The following RND3 variants were observed in gnomAD, a reference collection of about 807,000 sequenced individuals.
RND3 encodes the protein Rho family GTPase 3, also known as rho-related GTP-binding protein RhoE.
Under a neutral mutation model 26.5 loss-of-function variants are expected in RND3, and 8 were observed. That is an observed-to-expected ratio of 0.30 (90% CI 0.18 to 0.54). The LOEUF (loss-of-function observed/expected upper bound fraction) is 0.54. Among genes scored for constraint, RND3 ranks in the 20% least tolerant of loss-of-function variants. The probability of loss-of-function intolerance (pLI) is 0.94; values close to 1 mark genes in which losing one functional copy is unlikely to be tolerated. For synonymous variants in RND3, 113 were observed against 113.0 expected (o/e 1.00, Z 0.00); for missense variants, 207 against 302.8 (o/e 0.68, Z 2.35).
At chr2:150,479,590 T>C (rs1686236665) in intron 3 of RND3, among the ~76,000 whole-genome samples, 1 of 152,202 alleles carries the variant, frequency 6.6e-6, no homozygotes, top group Non-Finnish European at 1.5e-5. Flanking sequence ...TAACTTTTGG[T>C]ATATTTAGTG....
Position 150,471,712 on chromosome 2 carries a change from A to C in RND3, c.398T>G (p.Val133Gly). The C allele has an allele frequency of 6.2e-7, 1 of 1,613,494 alleles. No individual in the cohort carries two copies. The highest frequency in any genetic ancestry group is 8.5e-7 in the Non-Finnish European group (1 of 1,179,598). ...EFCPNTKMLLVGCKSDLRTDV... is the reference protein window; with the variant it reads ...EFCPNTKMLLGGCKSDLRTDV... ...TGTCCGCAGATCAGACTTGCAGCCG[A>C]CCAAGAGCATTTTGGTATTTGGACA... Residue 133 changes from valine (V) to glycine (G), a missense_variant, in exon 5 of 6, where the codon GTC (valine) becomes GGC (glycine). By Grantham distance (109) the Val-to-Gly change is moderately radical. Transcript: ENST00000263895.
intron 3 of RND3, among the ~76,000 whole-genome samples, chr2:150,475,711 C>G (rs1395380592): frequency 1.3e-5 from 2 of 152,182 alleles, no homozygotes; most frequent in Admixed American, 1.3e-4. Flanking sequence ...TTTAACTTAT[C>G]GCCAAACCCT....
At chr2:150,479,202 G>A (rs181193839) in intron 3 of RND3, among the ~76,000 whole-genome samples, 4 of 152,180 alleles carry the variant, frequency 2.6e-5, no homozygotes, top group African/African-American at 9.6e-5. Context: ...TTAATTCTGG[G>A]TGAGAGCAAA....
chr2:150,486,995 C>G lies in RND3; in HGVS notation c.151-214G>C. 3.3e-6 allele frequency: 2 copies of G among 614,832 alleles called. No homozygotes were observed. Among genetic ancestry groups the G allele is most frequent in the Non-Finnish European group, 2.9e-6 (1 of 345,320 alleles). The allele number at this position is 614,832 out of a possible 1,614,324, so 38.1% of individuals were successfully genotyped here. ...CCCGGCTCTCACAGATCTGCTGACCCGAATCTCCCAACCCCAGGTTATGCA... is the reference window on the plus strand; with the variant it reads ...CCCGGCTCTCACAGATCTGCTGACCGGAATCTCCCAACCCCAGGTTATGCA... On this transcript the variant is annotated intron_variant, in intron 2 of 5. Coordinates refer to ENST00000263895, the MANE Select transcript of RND3 (RefSeq NM_005168.5). This position sits in a 1 kb window ranked among gnomAD's most constrained non-coding sequence, Gnocchi z 4.5.
intron 3 of RND3, among the ~76,000 whole-genome samples, chr2:150,481,752 G>T (rs1446696173): frequency 6.6e-6 from 1 of 151,958 alleles, no homozygotes; most frequent in East Asian, 1.9e-4. Context: ...GGGAGAGAGA[G>T]AGCAGTGATC....
chr2:150,483,610 A>G (rs1686312050), intron 3 of RND3, among the ~76,000 whole-genome samples: 1 of 152,270 alleles, frequency 6.6e-6, no homozygotes, highest in South Asian at 2.1e-4. Flanking sequence ...GAAAATGTCA[A>G]ACATTTACCA....
intron 3 of RND3, among the ~76,000 whole-genome samples, chr2:150,476,238 A>G (rs1447184077): frequency 1.3e-5 from 2 of 152,222 alleles, no homozygotes; most frequent in Non-Finnish European, 2.9e-5. Context: ...TGATAAATCA[A>G]AACCTCAATA....
chr2:150,482,110 T>A (rs1686283808), intron 3 of RND3, among the ~76,000 whole-genome samples: 1 of 152,038 alleles, frequency 6.6e-6, no homozygotes, highest in Admixed American at 6.5e-5. Flanking sequence ...TTCGAAAGAG[T>A]GTTCATGAGG....
In RND3 at chr2:150,486,561, G is replaced by T; in HGVS notation, c.238+133C>A. On this transcript the variant is annotated intron_variant, in intron 3 of 5. Transcript: ENST00000263895. The surrounding 1 kb of genome is among the most constrained non-coding windows in gnomAD (Gnocchi z 4.5). ...CCCACCCAGAAGGGATACAATTTTC[G>T]CCCAACAGGGACCGTGGGAATCCCT... 1.3e-6 allele frequency: 1 copy of T among 748,344 alleles called. No homozygotes were observed. Among genetic ancestry groups the T allele is most frequent in the Non-Finnish European group, 2.4e-6 (1 of 411,372 alleles). 46.4% of individuals were successfully genotyped at this position (748,344 alleles called of 1,614,324 possible).
At position 150,486,043 on chromosome 2, in the gene RND3, G is replaced by A. The variant is rs1246097856; in HGVS notation, c.238+651C>T. 6.6e-6 allele frequency among the ~76,000 whole-genome samples: 1 copy of A among 152,112 alleles called. No homozygotes were observed. Among genetic ancestry groups the A allele is most frequent in the Non-Finnish European group, 1.5e-5 (1 of 68,014 alleles). ...ACGTGATCACTGGGATGGAGTGGGGGAAAAAGGGAAAAGCTCGGTACAGGT... is the reference window on the plus strand; with the variant it reads ...ACGTGATCACTGGGATGGAGTGGGGAAAAAAGGGAAAAGCTCGGTACAGGT... On this transcript the variant is annotated intron_variant, in intron 3 of 5. Coordinates refer to ENST00000263895, the MANE Select transcript of RND3 (RefSeq NM_005168.5). The surrounding 1 kb of genome is among the most constrained non-coding windows in gnomAD (Gnocchi z 4.5).
At chr2:150,485,068 C>T (rs1045011503) in intron 3 of RND3, among the ~76,000 whole-genome samples, 1 of 152,230 alleles carries the variant, frequency 6.6e-6, no homozygotes, top group Admixed American at 6.5e-5. Context: ...TAAGGAACCA[C>T]TTGAATTCTG....
In RND3 at chr2:150,472,093, T is replaced by C. The variant is rs182626903; in HGVS notation, c.349-332A>G. The stretch of plus-strand genomic sequence containing the variant: ...TATTGGTGTGTCTCTTAAAGATAAA[T>C]GTGTCTTAAGAATAATTATATATCC... On this transcript the variant is annotated intron_variant, in intron 4 of 5. Transcript: ENST00000263895. 8.6e-3 allele frequency: 2,199 copies of C among 254,728 alleles called. 11 individuals carry two copies. Among genetic ancestry groups the C allele is most frequent in the Non-Finnish European group, 0.012 (1,557 of 130,146 alleles). The allele number at this position is 254,728 out of a possible 1,614,324, so 15.8% of individuals were successfully genotyped here.
intron 4 of RND3, 22 bp from the exon 5 acceptor site, chr2:150,471,783 G>C: frequency 6.9e-7 from 1 of 1,454,264 alleles, no homozygotes; most frequent in Non-Finnish European, 9.5e-7. Context: ...AAAAAAAAAA[G>C]ATTAAAAATG....
intron 3 of RND3, among the ~76,000 whole-genome samples, chr2:150,485,583 GGCCTTTACCCA>G (rs1442247717): frequency 6.6e-6 from 1 of 152,180 alleles, no homozygotes; most frequent in Non-Finnish European, 1.5e-5. Flanking sequence ...TAAGCGCAGG[GGCCTTTACCCA>G]GCCTTCCCAG....
At position 150,469,685 on chromosome 2, in the gene RND3, G is replaced by A; in HGVS notation, c.*302C>T. On this transcript the variant is annotated 3_prime_UTR_variant, in exon 6 of 6. Transcript: ENST00000263895. ...AAAATGCAAGCACCATTCAGAGTGT[G>A]ATTTTTCTTCTTGGAGGTACTCGCA... 3.1e-6 allele frequency: 1 copy of A among 318,844 alleles called. No individual in the cohort carries two copies. Among genetic ancestry groups the A allele is most frequent in the South Asian group, 6.7e-5 (1 of 14,826 alleles). The allele number at this position is 318,844 out of a possible 1,614,324, so 19.8% of individuals were successfully genotyped here.
intron 3 of RND3, among the ~76,000 whole-genome samples, chr2:150,483,025 G>GA (rs1553461577): frequency 1.3e-5 from 2 of 151,962 alleles, no homozygotes; most frequent in Non-Finnish European, 2.9e-5. Context: ...AGTGGATGCG[G>GA]GAAAAAAGGA....
At chr2:150,475,060 G>T in intron 3 of RND3, 76 bp from the exon 4 acceptor site, 1 of 854,846 alleles carries the variant, frequency 1.2e-6, no homozygotes, top group Non-Finnish European at 1.9e-6. Context: ...TACCCTTTCC[G>T]GCTAAGTCCT....
At position 150,469,820 on chromosome 2, in the gene RND3, T is replaced by C; in HGVS notation, c.*167A>G. 2 of 687,826 alleles carry C rather than the reference T, an allele frequency of 2.9e-6. No homozygotes were observed. The highest frequency in any genetic ancestry group is 2.4e-6 in the Non-Finnish European group (1 of 417,228). 42.6% of individuals were successfully genotyped at this position (687,826 alleles called of 1,614,324 possible). On this transcript the variant is annotated 3_prime_UTR_variant, in exon 6 of 6. Coordinates refer to ENST00000263895, the MANE Select transcript of RND3 (RefSeq NM_005168.5). ...TTCACTTCTCATCACTTGGTCTACA[T>C]GCCGAACCTAAGGTCAGGATTCCAA... is the stretch of plus-strand genomic sequence containing the variant.
intron 3 of RND3, among the ~76,000 whole-genome samples, chr2:150,479,439 ACT>A (rs1686234530): frequency 6.6e-6 from 1 of 151,966 alleles, no homozygotes; most frequent in Non-Finnish European, 1.5e-5. Flanking sequence ...AGAACTGAAA[ACT>A]CTTCTTGTTG....
Sources: allele counts gnomAD v4.1 joint callset (sites outside exome capture counted in the v4.1 genomes callset), GRCh38; gene constraint gnomAD v4.1.1; non-coding constraint Gnocchi (gnomAD v3.1); transcripts MANE v1.5; gene names NCBI Gene and HGNC (gene_info 2026-07-23, HGNC 2026-07-21).